WNK1: variants seen among roughly 807,000 people sequenced by gnomAD.
WNK1 encodes WNK lysine deficient protein kinase 1.
A neutral mutation model predicts 222.8 loss-of-function variants in WNK1; 38 were observed. The observed-to-expected ratio is 0.17, with a 90% CI of 0.13 to 0.22. The LOEUF is 0.22. Ranked by LOEUF, WNK1 falls within the 10% of genes least tolerant of loss-of-function variation. The pLI, the probability that WNK1 is intolerant of heterozygous loss-of-function variation, is 1.00. For missense variants in WNK1, 2,348 were observed against 2,918.4 expected (o/e 0.80, Z 4.50); for synonymous variants, 1,090 against 1,092.9 (o/e 1.00, Z 0.05).
rs542153568 is a variant in WNK1 at position 832,542 on chromosome 12, A to G, written c.1311+2382A>G. ...TTGTATGTGATTCTGTTGTTGATGG[A>G]TATGGAGCTACTTTGGACAATTAGT... On this transcript the variant is annotated intron_variant, in intron 4 of 27. Coordinates refer to ENST00000315939, the MANE Select transcript of WNK1 (RefSeq NM_018979.4). Among the ~76,000 whole-genome samples the G allele has an allele frequency of 5.5e-4, 84 of 152,258 alleles. 1 individual carries two copies. The highest frequency in any genetic ancestry group is 3.1e-4 in the Non-Finnish European group (21 of 68,026).
chr12:887,535 T>G (rs568534225), intron 20 of WNK1, among the ~76,000 whole-genome samples: 8 of 152,248 alleles, frequency 5.3e-5, no homozygotes, highest in African/African-American at 1.9e-4. Context: ...TACTAATTTT[T>G]TTTTTATATC....
intron 1 of WNK1, among the ~76,000 whole-genome samples, chr12:804,358 A>C (rs1946152533): frequency 6.6e-6 from 1 of 152,170 alleles, no homozygotes; most frequent in South Asian, 2.1e-4. Context: ...GCACATTTAC[A>C]ATGTTGTGCA....
Position 896,602 on chromosome 12 carries a change from A to G in WNK1, c.6115A>G (p.Lys2039Glu), listed in dbSNP as rs1359994702. The G allele has an allele frequency of 8.7e-6, 14 of 1,609,440 alleles. No homozygotes were observed. The highest frequency in any genetic ancestry group is 1.3e-5 in the African/African-American group (1 of 74,254). Residue 2039 changes from lysine (K) to glutamate (E), a missense_variant, in exon 24 of 28, where the codon AAG becomes GAG. Coordinates refer to ENST00000315939, the MANE Select transcript of WNK1 (RefSeq NM_018979.4). ...ACACTCGCCCCATCAGCTGAGCTCA[A>G]AGAGCCTTCCTAGCCAGAATCTAAG... The part of the protein sequence containing the change: ...SPHSPHQLSS[K>E]SLPSQNLSQS...
In WNK1 at chr12:890,505, A is replaced by C. The variant is rs1057182191; in HGVS notation, c.5501A>C (p.Gln1834Pro). The C allele has an allele frequency of 4.3e-6, 7 of 1,614,022 alleles. No individual in the cohort carries two copies. In the African/African-American group the frequency reaches 8.0e-5, roughly 18 times the overall value. Reference sequence around the variant, plus strand: ...ATCACAGAAGCAGGAACACAGCCTCAGAAGGGTGGTGAGAAACATCCTTCC... The same window carrying C: ...ATCACAGAAGCAGGAACACAGCCTCCGAAGGGTGGTGAGAAACATCCTTCC... The part of the protein sequence containing the change: ...TAITEAGTQP[Q>P]KGVSQVKEGP... The change falls in exon 22 of 28, where the codon CAG becomes CCG. Residue 1834 changes from glutamine to proline, a missense_variant. Gln to Pro is a moderately conservative substitution (Grantham distance 76, BLOSUM62 -1). Transcript: ENST00000315939.
At position 868,388 on chromosome 12, in the gene WNK1, G is replaced by A. The variant is rs752313510; in HGVS notation, c.2140-2877G>A. 5.0e-6 allele frequency: 8 copies of A among 1,613,858 alleles called. No individual in the cohort carries two copies. In the East Asian group the frequency reaches 6.7e-5, roughly 13 times the overall value. ...GAAACAGATACCTGAACAGAAGCCA[G>A]TACAAGGGGGCCCTACTTCAAGTTC... On this transcript the variant is annotated intron_variant, in intron 8 of 27. Transcript: ENST00000315939.
At position 896,886 on chromosome 12, in the gene WNK1, CCACACACACACACACACACACACA is replaced by C. The variant is rs34202153; in HGVS notation, c.6245+184_6245+207del. ...AGAAGCCCCACCCCATACCTCCCCACCACACACACACACACACACACACACACACACACACACACACACACACAC... is the reference window on the plus strand; with the variant it reads ...AGAAGCCCCACCCCATACCTCCCCACCACACACACACACACACACACACAC... On this transcript the variant is annotated intron_variant, in intron 24 of 27. Coordinates refer to ENST00000315939, the MANE Select transcript of WNK1 (RefSeq NM_018979.4). 7.2e-3 allele frequency among the ~76,000 whole-genome samples: 965 copies of C among 134,602 alleles called. 11 individuals are homozygous for C. Among genetic ancestry groups the C allele is most frequent in the African/African-American group, 0.019 (661 of 34,102 alleles). 88.3% of individuals were successfully genotyped at this position (134,602 alleles called of 152,430 possible).
chr12:759,747 C>T (rs1256998414), intron 1 of WNK1, among the ~76,000 whole-genome samples: 3 of 148,106 alleles, frequency 2.0e-5, no homozygotes, highest in East Asian at 1.9e-4. Context: ...ACTAGATTGC[C>T]TGGGCTCAAA....
intron 1 of WNK1, among the ~76,000 whole-genome samples, chr12:803,659 C>T (rs908014362): frequency 1.3e-5 from 2 of 152,106 alleles, no homozygotes; most frequent in Non-Finnish European, 2.9e-5. Flanking sequence ...ATCGCTTGAA[C>T]CCAGGAAGCA....
chr12:907,124 C>T (rs1955774749), intron 26 of WNK1, among the ~76,000 whole-genome samples: 1 of 150,616 alleles, frequency 6.6e-6, no homozygotes, highest in Non-Finnish European at 1.5e-5. Context: ...GTTCTTGAGA[C>T]CAGCCTGGCC....
intron 4 of WNK1, among the ~76,000 whole-genome samples, chr12:839,975 A>G (rs6489753): frequency 0.64 from 95,763 of 148,610 alleles, 31,438 homozygotes; most frequent in East Asian, 0.88. Flanking sequence ...TGATCCGCCC[A>G]CCTCGGCCCC....
intron 4 of WNK1, chr12:851,368 G>A (rs943052887): frequency 2.8e-6 from 3 of 1,059,426 alleles, no homozygotes; most frequent in African/African-American, 1.7e-5. Flanking sequence ...GAAACTGTGC[G>A]CAAAGTAGGT....
rs368638983 is a variant in WNK1 at position 880,738 on chromosome 12, G to A, written c.2850G>A (p.Leu950=). 5 of 1,613,002 alleles carry A rather than the reference G, an allele frequency of 3.1e-6. No homozygotes were observed. In the African/African-American group the frequency reaches 5.4e-5, roughly 17 times the overall value. ...DVLYQGFPPR[L]PPQYPGDSNI... ...TGTCACAGGGCTTCCCACCTCGACT[G>A]CCACCACAGTACCCAGGAGATTCAA... Residue 950 remains leucine (L), a synonymous_variant, in exon 12 of 28, where the codon CTG becomes CTA. Transcript: ENST00000315939.
chr12:766,159 C>G (rs890990738), intron 1 of WNK1, among the ~76,000 whole-genome samples: 26 of 151,886 alleles, frequency 1.7e-4, no homozygotes, highest in Non-Finnish European at 1.8e-4. Flanking sequence ...GGTGATAAGG[C>G]GATAAGGTTA....
At chr12:783,313 A>T (rs1164982293) in intron 1 of WNK1, among the ~76,000 whole-genome samples, 1 of 152,150 alleles carries the variant, frequency 6.6e-6, no homozygotes, top group Non-Finnish European at 1.5e-5. Flanking sequence ...TACACTTAAC[A>T]TATCTCGGTT....
chr12:896,886 C>CCACACACACACACACACACA (rs34202153), intron 24 of WNK1, among the ~76,000 whole-genome samples, 154 bp downstream of exon 24: 1 of 134,540 alleles, frequency 7.4e-6, no homozygotes, highest in Admixed American at 7.6e-5. Flanking sequence ...TACCTCCCCA[C>CCACACACACACACACACACA]CACACACACA....
At chr12:812,855 AAG>A (rs1228526796) in intron 1 of WNK1, among the ~76,000 whole-genome samples, 1 of 152,212 alleles carries the variant, frequency 6.6e-6, no homozygotes, top group Non-Finnish European at 1.5e-5. Flanking sequence ...AGGGGAAAAA[AAG>A]AGAATGAGAG....
Position 900,643 on chromosome 12 carries a change from G to A in WNK1, c.6616G>A (p.Val2206Ile). 6.2e-7 allele frequency: 1 copy of A among 1,614,208 alleles called. No homozygotes were observed. ...CTTCACCAGTGATGGTGCCATTTCA[G>A]TACCAAGCCTTTCTGCTCCAGGTCA... Reference protein sequence around the residue: ...SAFTSDGAISVPSLSAPGQGT... With the variant: ...SAFTSDGAISIPSLSAPGQGT... The change falls in exon 26 of 28, where the codon GTA becomes ATA. Residue 2206 changes from valine (V) to isoleucine (I), a missense_variant. Coordinates refer to ENST00000315939, the MANE Select transcript of WNK1 (RefSeq NM_018979.4).
rs1952580859 is a variant in WNK1 at position 876,082 on chromosome 12, C to T, written c.2224-2130C>T. ...AAATAAATTTCATGTAATTCAGCAG[C>T]CATTTCTGCTTCTTTAAAAGTTAAA... On this transcript the variant is annotated intron_variant, in intron 9 of 27. Transcript: ENST00000315939. 2.0e-5 allele frequency among the ~76,000 whole-genome samples: 3 copies of T among 152,098 alleles called. No individual in the cohort carries two copies. In the South Asian group the frequency reaches 6.2e-4, roughly 31 times the overall value.
At chr12:904,660 C>G (rs147108900) in intron 26 of WNK1, among the ~76,000 whole-genome samples, 1 of 152,132 alleles carries the variant, frequency 6.6e-6, no homozygotes, top group African/African-American at 2.4e-5. Context: ...ATCTCCTAGT[C>G]GGTGCCCTCA....
Sources: gnomAD v4.1 joint callset for allele counts (sites outside exome capture counted in the v4.1 genomes callset) on GRCh38, gnomAD v4.1.1 for gene constraint, MANE v1.5 for transcripts, NCBI Gene and HGNC (gene_info 2026-07-23, HGNC 2026-07-21) for gene names.